The following TNIP3 variants were observed in gnomAD, a reference collection of about 807,000 sequenced individuals.
The protein encoded by TNIP3 is TNFAIP3-interacting protein 3.
In TNIP3, 34 loss-of-function variants were observed where a neutral mutation model predicts 54.1. That is an observed-to-expected ratio of 0.63 (90% CI 0.48 to 0.84). TNIP3 has a LOEUF of 0.84. TNIP3 is among the 40% of genes least tolerant of loss of function. TNIP3 has a pLI of 0.00. For synonymous variants in TNIP3, 134 were observed against 136.8 expected, an observed-to-expected ratio of 0.98 and a Z score of 0.14; for missense variants, 366 against 387.6, an observed-to-expected ratio of 0.94 and a Z score of 0.47.
chr4:121,183,640 C>G (rs1014699092), intron 2 of TNIP3, among the ~76,000 whole-genome samples: 1 of 152,210 alleles, frequency 6.6e-6, no homozygotes, highest in Non-Finnish European at 1.5e-5. Context: ...TGAGCTCCAC[C>G]TCCTGTCAAA....
In TNIP3 at chr4:121,161,082, A is replaced by T. The variant is rs995884730; in HGVS notation, c.147+54T>A. The T allele has an allele frequency of 7.6e-6, 10 of 1,323,180 alleles. No individual in the cohort carries two copies. In the African/African-American group the frequency reaches 1.3e-4, roughly 18 times the overall value. The allele number at this position is 1,323,180 out of a possible 1,614,324, so 82.0% of individuals were successfully genotyped here. Reference sequence around the variant, plus strand: ...AGGCACAAGGATAATACATTATTTTATCCTCAGCATTAATCCATGGCACCT... The same window carrying T: ...AGGCACAAGGATAATACATTATTTTTTCCTCAGCATTAATCCATGGCACCT... On this transcript the variant is annotated intron_variant, in intron 2 of 10. Coordinates refer to ENST00000057513, the MANE Select transcript of TNIP3 (RefSeq NM_024873.6).
At chr4:121,200,967 G>T (rs1000086631) in intron 2 of TNIP3, among the ~76,000 whole-genome samples, 1 of 152,094 alleles carries the variant, frequency 6.6e-6, no homozygotes, top group African/African-American at 2.4e-5. Context: ...TGAAAGTAAA[G>T]GTCAATTTTT....
At chr4:121,135,229 T>C (rs1020446024) in intron 10 of TNIP3, among the ~76,000 whole-genome samples, 7 of 152,182 alleles carry the variant, frequency 4.6e-5, no homozygotes, top group Admixed American at 3.3e-4. Flanking sequence ...CTTTAACAGT[T>C]TCTATGCTTG....
intron 2 of TNIP3, among the ~76,000 whole-genome samples, chr4:121,200,294 C>T (rs1478330180): frequency 6.6e-6 from 1 of 151,844 alleles, no homozygotes; most frequent in Non-Finnish European, 1.5e-5. Flanking sequence ...ATTACAAATT[C>T]CCTTTTGCAT....
rs1728932862 is a variant in TNIP3 at position 121,138,673 on chromosome 4, C to A, written c.897G>T (p.Gln299His). Residue 299 changes from glutamine to histidine, a missense_variant, in exon 10 of 11, where the codon CAG becomes CAT. Physicochemically the swap from Gln to His is conservative, Grantham distance 24. Transcript: ENST00000057513. ...QKQREHPPDY[Q>H]WYALDQLPPD... is the part of the protein sequence containing the mutation. ...GCGGAAGCTGGTCAAGAGCATACCACTGATAGTCTGGCTGTGTGGAACAAT... is the reference window on the plus strand; with the variant it reads ...GCGGAAGCTGGTCAAGAGCATACCAATGATAGTCTGGCTGTGTGGAACAAT... The A allele has an allele frequency of 6.2e-7, 1 of 1,613,804 alleles. No homozygotes were observed. Among genetic ancestry groups the A allele is most frequent in the African/African-American group, 1.3e-5 (1 of 74,924 alleles).
chr4:121,217,008 T>C (rs1280226776), upstream of TNIP3, among the ~76,000 whole-genome samples: 3 of 151,986 alleles, frequency 2.0e-5, no homozygotes, highest in Non-Finnish European at 4.4e-5. Context: ...GAAGTGGTAA[T>C]GGACAATGAA....
chr4:121,217,073 TTTA>T (rs1173000737), upstream of TNIP3, among the ~76,000 whole-genome samples: 1 of 152,242 alleles, frequency 6.6e-6, no homozygotes, highest in East Asian at 1.9e-4. Context: ...ATTTTTTAAA[TTTA>T]TTATTAAGTT....
chr4:121,139,600 G>C (rs1728992741), intron 9 of TNIP3, among the ~76,000 whole-genome samples: 1 of 152,178 alleles, frequency 6.6e-6, no homozygotes. Flanking sequence ...TGAGCCAACA[G>C]AGAGCATTTA....
At chr4:121,150,817 C>T (rs184569879) in intron 5 of TNIP3, among the ~76,000 whole-genome samples, 91 of 152,326 alleles carry the variant, frequency 6.0e-4, no homozygotes, top group African/African-American at 2.1e-3. Context: ...AGCTCTGTTG[C>T]GTTGCTCTTC....
chr4:121,136,455 C>A (rs574903282), intron 10 of TNIP3: 2 of 152,172 alleles, frequency 1.3e-5, no homozygotes, highest in South Asian at 4.1e-4. Flanking sequence ...GTGATTTAGG[C>A]GTGTTACTTA....
At chr4:121,216,088 A>G (rs1726775317) in intron 2 of TNIP3, among the ~76,000 whole-genome samples, 1 of 152,132 alleles carries the variant, frequency 6.6e-6, no homozygotes, top group African/African-American at 2.4e-5. Context: ...TACTGGTGGA[A>G]TACAGTTGTT....
intron 2 of TNIP3, among the ~76,000 whole-genome samples, chr4:121,195,809 C>T (rs547319342): frequency 6.6e-6 from 1 of 152,100 alleles, no homozygotes; most frequent in South Asian, 2.1e-4. Context: ...ATAAACTGAC[C>T]AGGGCTGATA....
chr4:121,144,245 T>C (rs2148799711), intron 7 of TNIP3, among the ~76,000 whole-genome samples: 1 of 152,260 alleles, frequency 6.6e-6, no homozygotes, highest in South Asian at 2.1e-4. Flanking sequence ...AAAGAAAGCA[T>C]CAAAATTAGA....
upstream of TNIP3, among the ~76,000 whole-genome samples, chr4:121,164,589 G>A (rs1730655090): frequency 6.6e-6 from 1 of 152,198 alleles, no homozygotes; most frequent in Non-Finnish European, 1.5e-5. Flanking sequence ...TTAGGTAACT[G>A]TTGACTTTTT....
intron 3 of TNIP3, among the ~76,000 whole-genome samples, chr4:121,173,157 A>G (rs1207289146): frequency 6.6e-6 from 1 of 152,148 alleles, no homozygotes; most frequent in African/African-American, 2.4e-5. Flanking sequence ...CGTAAATAAC[A>G]CACCTAAAAA....
At chr4:121,204,564 T>C (rs1726075613) in intron 2 of TNIP3, among the ~76,000 whole-genome samples, 1 of 152,190 alleles carries the variant, frequency 6.6e-6, no homozygotes, top group African/African-American at 2.4e-5. Flanking sequence ...TGTCTCAGAT[T>C]TTCAGGGTTC....
At chr4:121,180,651 T>A (rs1724638657) in intron 3 of TNIP3, among the ~76,000 whole-genome samples, 1 of 152,156 alleles carries the variant, frequency 6.6e-6, no homozygotes, top group Admixed American at 6.5e-5. Context: ...GTCTCGTATA[T>A]GTTTGAAGTG....
intron 2 of TNIP3, chr4:121,216,275 T>G: frequency 1.5e-6 from 1 of 660,172 alleles, no homozygotes. Context: ...ACCCGTCATC[T>G]TTTCCTTTTC....
At chr4:121,159,860 A>G (rs1240213324) in intron 2 of TNIP3, among the ~76,000 whole-genome samples, 1 of 152,230 alleles carries the variant, frequency 6.6e-6, no homozygotes, top group Non-Finnish European at 1.5e-5. Flanking sequence ...TAGGGAACAG[A>G]CACTGAGAAG....
Sources: gnomAD v4.1 joint callset for allele counts (sites outside exome capture counted in the v4.1 genomes callset) on GRCh38, gnomAD v4.1.1 for gene constraint, MANE v1.5 for transcripts, NCBI Gene and HGNC (gene_info 2026-07-23, HGNC 2026-07-21) for gene names.